The following ARHGAP10 variants were observed in gnomAD, a reference collection of about 807,000 sequenced individuals.
The protein encoded by ARHGAP10 is rho GTPase-activating protein 10.
In ARHGAP10, 87 loss-of-function variants were observed where a neutral mutation model predicts 108.6. That is an observed-to-expected ratio of 0.80 (90% CI 0.67 to 0.96). ARHGAP10 has a LOEUF of 0.96. Among genes scored for constraint, ARHGAP10 ranks in the 40% least tolerant of loss-of-function variants. The pLI is 0.00. For synonymous variants in ARHGAP10, 347 were observed against 341.1 expected, an observed-to-expected ratio of 1.02 and a Z score of -0.19; for missense variants, 939 against 954.5, an observed-to-expected ratio of 0.98 and a Z score of 0.21.
At chr4:148,019,226 G>A (rs1578796335) in intron 18 of ARHGAP10, among the ~76,000 whole-genome samples, 1 of 152,172 alleles carries the variant, frequency 6.6e-6, no homozygotes, top group Non-Finnish European at 1.5e-5. Flanking sequence ...CAAGAAATTA[G>A]TGCCCTCTAA....
intron 18 of ARHGAP10, among the ~76,000 whole-genome samples, chr4:148,017,682 A>ATATATATATATATATATATGTGTG (rs1437383455): frequency 4.4e-5 from 6 of 135,258 alleles, no homozygotes; most frequent in African/African-American, 1.7e-4. Flanking sequence ...ATATATATAT[A>ATATATATATATATATATATGTGTG]TGTGTGTGTA....
chr4:147,818,778 C>A (rs1732367630), intron 1 of ARHGAP10, among the ~76,000 whole-genome samples: 1 of 151,860 alleles, frequency 6.6e-6, no homozygotes. Context: ...AAGAAGAAGA[C>A]ATCTATAAAA....
At chr4:147,995,706 C>T (rs1301799556) in intron 18 of ARHGAP10, among the ~76,000 whole-genome samples, 2 of 152,102 alleles carry the variant, frequency 1.3e-5, no homozygotes, top group African/African-American at 2.4e-5. Context: ...CAAAAATTTG[C>T]ATGGTCCATC....
chr4:147,987,811 AGAG>A (rs950240874), intron 18 of ARHGAP10, among the ~76,000 whole-genome samples: 7 of 152,200 alleles, frequency 4.6e-5, no homozygotes, highest in African/African-American at 1.7e-4. Flanking sequence ...AGGAGGGAGA[AGAG>A]GAGTGGGAGA....
chr4:147,788,137 T>TTG lies in ARHGAP10; in HGVS notation c.155-34589_155-34588insGT, dbSNP rs201022063. 4.9e-3 allele frequency among the ~76,000 whole-genome samples: 73 copies of TTG among 15,016 alleles called. 1 individual carries two copies. Among genetic ancestry groups the TTG allele is most frequent in the Non-Finnish European group, 9.3e-3 (28 of 3,016 alleles). 9.9% of individuals were successfully genotyped at this position (15,016 alleles called of 152,430 possible). ...AATAGCTCCTTTTAAAAAATTTGAT[T>TTG]TTTTTTTTTTAAAAAGCGTTTCTGA... On this transcript the variant is annotated intron_variant, in intron 1 of 22. Transcript: ENST00000336498.
rs570046952 is a variant in ARHGAP10 at position 147,835,405 on chromosome 4, C to T, written c.313-11746C>T. On this transcript the variant is annotated intron_variant, in intron 3 of 22. Coordinates refer to ENST00000336498, the MANE Select transcript of ARHGAP10 (RefSeq NM_024605.4). ...TCTTTTCCTTTTCCCTTAAGTCTTGCTCTGTCGCCCAGGCTGGAGTGCAGT... is the reference window on the plus strand; with the variant it reads ...TCTTTTCCTTTTCCCTTAAGTCTTGTTCTGTCGCCCAGGCTGGAGTGCAGT... Among the ~76,000 whole-genome samples, 83 of 152,312 alleles carry T rather than the reference C, an allele frequency of 5.4e-4. No individual in the cohort carries two copies. The South Asian group carries it at 8.7e-3, about 16-fold the overall frequency.
rs1578809287 is a variant in ARHGAP10, at chr4:148,032,756, C to T, written c.1867+9343C>T. ...AAAACCTCAAAAGTAGGGAAGCTGA[C>T]AGTGCAGCCTTCAGTCGGTGACCAA... On this transcript the variant is annotated intron_variant, in intron 19 of 22. Coordinates refer to ENST00000336498, the MANE Select transcript of ARHGAP10 (RefSeq NM_024605.4). Among the ~76,000 whole-genome samples the T allele has an allele frequency of 2.0e-5, 3 of 152,280 alleles. No individual in the cohort carries two copies. In the East Asian group the frequency reaches 5.8e-4, roughly 29 times the overall value.
At chr4:147,973,346 C>T (rs1001863472) in intron 18 of ARHGAP10, among the ~76,000 whole-genome samples, 1 of 152,088 alleles carries the variant, frequency 6.6e-6, no homozygotes, top group Non-Finnish European at 1.5e-5. Flanking sequence ...GGAATGAACC[C>T]TCTCAGGAGT....
At chr4:147,823,007 A>G (rs1732569266) in intron 3 of ARHGAP10, 50 bp downstream of exon 3, 3 of 1,546,878 alleles carry the variant, frequency 1.9e-6, no homozygotes, top group Non-Finnish European at 2.7e-6. Flanking sequence ...AGGGGGAAAA[A>G]AATCTGGATT....
At chr4:148,047,082 A>C (rs1578824843) in intron 20 of ARHGAP10, 31 bp downstream of exon 20, 2 of 1,610,800 alleles carry the variant, frequency 1.2e-6, no homozygotes, top group Non-Finnish European at 1.7e-6. Context: ...TGGGTGCTGA[A>C]GGGTGGAAGC....
intron 22 of ARHGAP10, among the ~76,000 whole-genome samples, chr4:148,068,666 A>G (rs929113450): frequency 6.6e-6 from 1 of 152,232 alleles, no homozygotes; most frequent in South Asian, 2.1e-4. Context: ...GAGAAACACA[A>G]CATTCAAGCT....
At chr4:147,958,443 C>T (rs1487968785) in intron 16 of ARHGAP10, among the ~76,000 whole-genome samples, 1 of 152,190 alleles carries the variant, frequency 6.6e-6, no homozygotes, top group Non-Finnish European at 1.5e-5. Flanking sequence ...GGTTATTTAT[C>T]ATGAGAAACA....
intron 10 of ARHGAP10, among the ~76,000 whole-genome samples, chr4:147,905,856 T>C (rs1182988728): frequency 2.0e-5 from 3 of 152,136 alleles, no homozygotes; most frequent in Non-Finnish European, 4.4e-5. Context: ...TGATTCTTCC[T>C]ATCCATGAGC....
intron 10 of ARHGAP10, among the ~76,000 whole-genome samples, chr4:147,886,126 A>C (rs1344397228): frequency 6.6e-6 from 1 of 152,244 alleles, no homozygotes; most frequent in African/African-American, 2.4e-5. Flanking sequence ...TTCCATTCCC[A>C]AGATACCTCA....
At chr4:147,921,364 G>A (rs981496172) in intron 13 of ARHGAP10, among the ~76,000 whole-genome samples, 30 of 152,224 alleles carry the variant, frequency 2.0e-4, no homozygotes, top group African/African-American at 7.2e-4. Context: ...GTCTACATCT[G>A]TTGAATCAGA....
At chr4:147,853,297 C>T (rs1027639402) in intron 4 of ARHGAP10, among the ~76,000 whole-genome samples, 8 of 152,198 alleles carry the variant, frequency 5.3e-5, no homozygotes, top group Non-Finnish European at 8.8e-5. Flanking sequence ...GGCCACGAAT[C>T]GGTTTTTATT....
At chr4:148,053,050 T>C (rs374144625) in intron 20 of ARHGAP10, among the ~76,000 whole-genome samples, 1 of 152,176 alleles carries the variant, frequency 6.6e-6, no homozygotes, top group East Asian at 1.9e-4. Context: ...AGACTTTGTT[T>C]CAGCTATTTT....
chr4:148,034,318 A>G (rs1297892157), intron 19 of ARHGAP10, among the ~76,000 whole-genome samples: 3 of 151,894 alleles, frequency 2.0e-5, no homozygotes. Flanking sequence ...CCCTCTGGCA[A>G]TTACTTATTT....
chr4:147,740,511 A>C (rs924784), intron 1 of ARHGAP10, among the ~76,000 whole-genome samples: 151,953 of 152,256 alleles, frequency 1, 75,829 homozygotes, highest in East Asian at 1. Context: ...TTCTTTTTAC[A>C]TTAGTATGAT....
Sources: gnomAD v4.1 joint callset for allele counts (sites outside exome capture counted in the v4.1 genomes callset) on GRCh38, gnomAD v4.1.1 for gene constraint, MANE v1.5 for transcripts, NCBI Gene and HGNC (gene_info 2026-07-23, HGNC 2026-07-21) for gene names.